The following SIPA1L1 variants were observed in gnomAD, a reference collection of about 807,000 sequenced individuals.
SIPA1L1 encodes the protein signal induced proliferation associated 1 like 1.
Under a neutral mutation model 162.7 loss-of-function variants are expected in SIPA1L1, and 26 were observed. The observed-to-expected ratio is 0.16, with a 90% CI of 0.12 to 0.22. The LOEUF is 0.22. Ranked by LOEUF, SIPA1L1 falls within the 10% of genes least tolerant of loss-of-function variation. The pLI is 1.00. For synonymous variants in SIPA1L1, 829 were observed against 837.4 expected, an observed-to-expected ratio of 0.99 and a Z score of 0.17; for missense variants, 1,874 against 2,241.0, an observed-to-expected ratio of 0.84 and a Z score of 3.31.
intron 2 of SIPA1L1, among the ~76,000 whole-genome samples, chr14:71,508,801 T>A (rs1163162002): frequency 6.6e-6 from 1 of 152,236 alleles, no homozygotes; most frequent in Admixed American, 6.5e-5. Context: ...CCTTTTCATG[T>A]TGCTGATTTT....
At chr14:71,687,541 G>A (rs2080959001) in intron 13 of SIPA1L1, among the ~76,000 whole-genome samples, 1 of 152,206 alleles carries the variant, frequency 6.6e-6, no homozygotes. Flanking sequence ...ATTTGAGAAT[G>A]TATTTTGATT....
At chr14:71,468,389 A>G (rs2047191609) in intron 2 of SIPA1L1, among the ~76,000 whole-genome samples, 1 of 152,158 alleles carries the variant, frequency 6.6e-6, no homozygotes, top group Non-Finnish European at 1.5e-5. Context: ...GCATCTGCCC[A>G]GCTTCTGGGG....
intron 22 of SIPA1L1, 75 bp downstream of exon 22, chr14:71,735,466 G>A: frequency 1.9e-6 from 2 of 1,039,128 alleles, no homozygotes. Flanking sequence ...GGGGAGAAGA[G>A]ATGGAAGCCA....
At chr14:71,691,076 A>G (rs764757289) in intron 13 of SIPA1L1, among the ~76,000 whole-genome samples, 8 of 152,098 alleles carry the variant, frequency 5.3e-5, no homozygotes, top group Non-Finnish European at 1.2e-4. Context: ...CTATCATCCC[A>G]TCTCCACACA....
At chr14:71,458,121 C>T (rs2046323381) in intron 2 of SIPA1L1, among the ~76,000 whole-genome samples, 1 of 151,668 alleles carries the variant, frequency 6.6e-6, no homozygotes, top group Non-Finnish European at 1.5e-5. Flanking sequence ...TGTTACCTAC[C>T]CCTTAGTCCT....
chr14:71,402,383 C>G (rs1024705794), intron 2 of SIPA1L1, among the ~76,000 whole-genome samples: 6 of 147,376 alleles, frequency 4.1e-5, no homozygotes, highest in Admixed American at 6.8e-5. Flanking sequence ...AGGTTTCTCT[C>G]TGTCTCCCAG....
rs771625604 is a variant in SIPA1L1 at position 71,661,346 on chromosome 14, A to G, written c.2134A>G (p.Thr712Ala). 6.2e-7 allele frequency: 1 copy of G among 1,614,066 alleles called. No individual in the cohort carries two copies. Among genetic ancestry groups the G allele is most frequent in the Admixed American group, 1.7e-5 (1 of 60,010 alleles). Residue 712 changes from threonine to alanine, a missense_variant, in exon 10 of 24, where the codon ACA becomes GCA. This residue lies in a region of SIPA1L1 where 243 missense variants were observed against 315.0 expected (regional missense o/e 0.77). Transcript: ENST00000381232. The part of the protein sequence containing the change: ...RKRHIGNDIV[T>A]IVFQEPGAQP... ...GCGGCACATTGGAAATGATATCGTA[A>G]CAATTGTTTTCCAAGAGCCTGGAGC...
intron 2 of SIPA1L1, among the ~76,000 whole-genome samples, chr14:71,405,356 G>C (rs36093218): frequency 0.16 from 24,920 of 152,224 alleles, 2,648 homozygotes; most frequent in Middle Eastern, 0.34. Flanking sequence ...ATGCTGGGGA[G>C]ACAGAGGTTC....
intron 2 of SIPA1L1, among the ~76,000 whole-genome samples, chr14:71,417,643 G>A (rs948854151): frequency 3.9e-5 from 6 of 151,912 alleles, no homozygotes; most frequent in African/African-American, 1.5e-4. Flanking sequence ...GTCTCCAGTG[G>A]CAGAGGTGGA....
Position 71,705,244 on chromosome 14 carries a change from A to G in SIPA1L1, c.3669A>G (p.Ala1223=). ...DQMEPTCHLP[A]VSKVLPAFRE... is the part of the protein sequence containing the mutation. ...CAGAGCCAACATGCCATCTCCCAGC[A>G]GTATCAAAGGTACTGCCAGCTTTCC... is the stretch of plus-strand genomic sequence containing the variant. The change falls in exon 16 of 24, where the codon GCA becomes GCG. Residue 1223 remains alanine, a synonymous_variant. Transcript: ENST00000381232. The G allele has an allele frequency of 1.2e-6, 2 of 1,614,030 alleles. No individual in the cohort carries two copies. Among genetic ancestry groups the G allele is most frequent in the Non-Finnish European group, 1.7e-6 (2 of 1,179,832 alleles).
In SIPA1L1 at chr14:71,738,884, T is replaced by C. The variant is rs963951755; in HGVS notation, c.5209-134T>C. 25 of 1,007,152 alleles carry C rather than the reference T, an allele frequency of 2.5e-5. No homozygotes were observed. The African/African-American group carries it at 3.5e-4, about 14-fold the overall frequency. The allele number at this position is 1,007,152 out of a possible 1,614,324, so 62.4% of individuals were successfully genotyped here. A position where few individuals can be genotyped will look rare whatever the true frequency, so the allele number is the denominator to read the frequency against. On this transcript the variant is annotated intron_variant, in intron 23 of 23. Coordinates refer to ENST00000381232, the MANE Select transcript of SIPA1L1 (RefSeq NM_001386936.1). ...TGTCTTAGCACCTGATACCAGTCCG[T>C]TTAGACAGGTGTTTGGAGGAACGAA...
At chr14:71,614,202 A>G (rs1336451669) in intron 5 of SIPA1L1, among the ~76,000 whole-genome samples, 1 of 151,202 alleles carries the variant, frequency 6.6e-6, no homozygotes, top group African/African-American at 2.4e-5. Flanking sequence ...TGGGCCACAG[A>G]GCAAGACGCT....
At chr14:71,498,762 G>T (rs1309416806) in intron 2 of SIPA1L1, among the ~76,000 whole-genome samples, 1 of 152,090 alleles carries the variant, frequency 6.6e-6, no homozygotes, top group African/African-American at 2.4e-5. Context: ...TTTCTAGTCC[G>T]TGATGTGGTG....
intron 2 of SIPA1L1, among the ~76,000 whole-genome samples, chr14:71,359,981 G>A (rs756897622): frequency 5.3e-5 from 8 of 152,184 alleles, no homozygotes; most frequent in Non-Finnish European, 8.8e-5. Flanking sequence ...AAAAAGTTGA[G>A]TTTCAGGGTA....
intron 2 of SIPA1L1, among the ~76,000 whole-genome samples, chr14:71,463,285 A>G (rs572054029): frequency 6.6e-6 from 1 of 152,234 alleles, no homozygotes; most frequent in Admixed American, 6.5e-5. Flanking sequence ...TGGGGGTTCT[A>G]CCAGCTCCTA....
At chr14:71,593,188 G>GTTAGTTAT (rs1355321087) in intron 5 of SIPA1L1, among the ~76,000 whole-genome samples, 2 of 146,906 alleles carry the variant, frequency 1.4e-5, no homozygotes, top group African/African-American at 5.1e-5. Flanking sequence ...TGTGTTTTGT[G>GTTAGTTAT]TTATTTATTT....
intron 10 of SIPA1L1, among the ~76,000 whole-genome samples, chr14:71,667,246 A>G (rs1373699358): frequency 1.3e-5 from 2 of 151,668 alleles, no homozygotes; most frequent in Non-Finnish European, 2.9e-5. Flanking sequence ...CCTCTCACAC[A>G]TTCCCCTTTC....
chr14:71,550,909 C>G (rs773827061), intron 4 of SIPA1L1, among the ~76,000 whole-genome samples: 3 of 152,034 alleles, frequency 2.0e-5, no homozygotes, highest in Non-Finnish European at 2.9e-5. Context: ...ATTAGCTGGG[C>G]ATGGTGGCAT....
rs984310531 is a variant in SIPA1L1, at chr14:71,698,856, C to G, written c.3375-125C>G. 2.2e-5 allele frequency: 20 copies of G among 896,908 alleles called. No homozygotes were observed. In the African/African-American group the frequency reaches 3.5e-4, roughly 16 times the overall value. 55.6% of individuals were successfully genotyped at this position (896,908 alleles called of 1,614,324 possible). A position where few individuals can be genotyped will look rare whatever the true frequency, so the allele number is the denominator to read the frequency against. On this transcript the variant is annotated intron_variant, in intron 13 of 23. Transcript: ENST00000381232. ...GTTTCTTTTGTAGGCTTCCAGCTGG[C>G]TTCATTTTCACTATCTCCATGAAGT...
Sources: allele counts gnomAD v4.1 joint callset (sites outside exome capture counted in the v4.1 genomes callset), GRCh38; gene constraint gnomAD v4.1.1; regional missense constraint gnomAD v4.1.1; transcripts MANE v1.5; gene names NCBI Gene and HGNC (gene_info 2026-07-23, HGNC 2026-07-21).